Variants in LRFN5 observed in about 807,000 individuals in gnomAD.
LRFN5 encodes the protein leucine rich repeat and fibronectin type III domain containing 5.
Under a neutral mutation model 45.6 loss-of-function variants are expected in LRFN5, and 24 were observed. The ratio of observed to expected loss-of-function variants is 0.53; its 90% CI spans 0.38 to 0.74. The LOEUF is 0.74. Among genes scored for constraint, LRFN5 ranks in the 30% least tolerant of loss-of-function variants. The pLI is 0.00. For synonymous variants in LRFN5, 340 were observed against 313.8 expected (o/e 1.08, Z -0.88); for missense variants, 776 against 861.5 (o/e 0.90, Z 1.24).
At chr14:41,822,626 T>G (rs559429391) in intron 2 of LRFN5, among the ~76,000 whole-genome samples, 154 of 152,186 alleles carry the variant, frequency 1.0e-3, no homozygotes, top group African/African-American at 3.5e-3. Flanking sequence ...ATTCTGTTGT[T>G]GGGAACAATG....
At chr14:41,799,854 C>G (rs1887263491) in intron 2 of LRFN5, among the ~76,000 whole-genome samples, 1 of 151,268 alleles carries the variant, frequency 6.6e-6, no homozygotes, top group Admixed American at 6.6e-5. Flanking sequence ...GTATTTGTGT[C>G]CTAAAAATCC....
Position 41,792,519 on chromosome 14 carries a change from AC to A in LRFN5, c.-21+25496del, listed in dbSNP as rs1886961794. Among the ~76,000 whole-genome samples the A allele has an allele frequency of 3.3e-5, 5 of 151,260 alleles. No homozygotes were observed. In the South Asian group the frequency reaches 8.4e-4, roughly 25 times the overall value. On this transcript the variant is annotated intron_variant, in intron 2 of 5. Coordinates refer to ENST00000298119, the MANE Select transcript of LRFN5 (RefSeq NM_152447.5). ...CTCCCAGAGTGGCCGTTTATAGACC[AC>A]CCCCCAGGAATGCATTCCTTTCCCA...
At position 41,761,514 on chromosome 14, in the gene LRFN5, A is replaced by G. The variant is rs1323659915; in HGVS notation, c.-196-5340A>G. Among the ~76,000 whole-genome samples, 4 of 152,146 alleles carry G rather than the reference A, an allele frequency of 2.6e-5. No individual in the cohort carries two copies. The South Asian group carries it at 6.2e-4, about 24-fold the overall frequency. Reference sequence around the variant, plus strand: ...ACTATCTGTCTGCTGACTTTTGCCAAACCACTAAGAGCGACAATAATGTTG... The same window carrying G: ...ACTATCTGTCTGCTGACTTTTGCCAGACCACTAAGAGCGACAATAATGTTG... On this transcript the variant is annotated intron_variant, in intron 1 of 5. Coordinates refer to ENST00000298119, the MANE Select transcript of LRFN5 (RefSeq NM_152447.5).
chr14:41,762,843 TA>T (rs1433807166), intron 1 of LRFN5, among the ~76,000 whole-genome samples: 1 of 152,144 alleles, frequency 6.6e-6, no homozygotes, highest in Non-Finnish European at 1.5e-5. Context: ...TTGCATCATG[TA>T]GGCCAAAACA....
chr14:41,722,568 T>TG (rs761947765), intron 1 of LRFN5, among the ~76,000 whole-genome samples: 1 of 138,856 alleles, frequency 7.2e-6, no homozygotes, highest in African/African-American at 3.2e-5. Flanking sequence ...ATACGGTGTT[T>TG]TTTTTTTTTC....
In LRFN5 at chr14:41,887,667, A is replaced by C; in HGVS notation, c.1042A>C (p.Thr348Pro). The change falls in exon 3 of 6, where the codon ACT becomes CCT. Residue 348 changes from threonine to proline, a missense_variant. This residue lies in a region of LRFN5 where 465 missense variants were observed against 456.4 expected (regional missense o/e 1.02). Coordinates refer to ENST00000298119, the MANE Select transcript of LRFN5 (RefSeq NM_152447.5). The surrounding 1 kb of genome is among the most constrained non-coding windows in gnomAD (Gnocchi z 4.8). ...CGGAACACTTGACATTCTTATCACA[A>C]CTGTAAAGGATACAGGTGCTTTTAC... The part of the protein sequence containing the change: ...DNGTLDILIT[T>P]VKDTGAFTCI... 1 of 1,614,214 alleles carries C rather than the reference A, an allele frequency of 6.2e-7. No homozygotes were observed. The highest frequency in any genetic ancestry group is 8.5e-7 in the Non-Finnish European group (1 of 1,180,042).
At chr14:41,779,791 A>G (rs1370239081) in intron 2 of LRFN5, among the ~76,000 whole-genome samples, 2 of 151,928 alleles carry the variant, frequency 1.3e-5, no homozygotes, top group Non-Finnish European at 2.9e-5. Flanking sequence ...GGTCATTCAA[A>G]TGTACATTGA....
chr14:41,713,552 T>A (rs1021398693), intron 1 of LRFN5, among the ~76,000 whole-genome samples: 5 of 151,954 alleles, frequency 3.3e-5, no homozygotes, highest in African/African-American at 1.2e-4. Flanking sequence ...AATCTCAGTG[T>A]GAAATAGTCA....
intron 2 of LRFN5, among the ~76,000 whole-genome samples, chr14:41,870,914 A>T (rs1889997766): frequency 6.6e-6 from 1 of 152,124 alleles, no homozygotes; most frequent in African/African-American, 2.4e-5. Flanking sequence ...ACTCTCAAAA[A>T]TTTTTTATGA....
At chr14:41,838,977 A>C (rs1888762156) in intron 2 of LRFN5, among the ~76,000 whole-genome samples, 1 of 152,176 alleles carries the variant, frequency 6.6e-6, no homozygotes, top group South Asian at 2.1e-4. Flanking sequence ...GGGATTGGCT[A>C]TTGGAGAATG....
intron 4 of LRFN5, 117 bp from the exon 5 acceptor site, chr14:41,898,800 G>C (rs926590772): frequency 2.1e-6 from 2 of 953,366 alleles, no homozygotes; most frequent in South Asian, 3.1e-5. Context: ...AAAATCTTTA[G>C]ATAAATCTTT....
chr14:41,838,377 G>A (rs1159694864), intron 2 of LRFN5, among the ~76,000 whole-genome samples: 1 of 152,136 alleles, frequency 6.6e-6, no homozygotes, highest in African/African-American at 2.4e-5. Flanking sequence ...ACTTGGATAA[G>A]AGCTGCAATC....
At chr14:41,653,868 T>TA (rs999432753) in intron 1 of LRFN5, among the ~76,000 whole-genome samples, 1 of 151,946 alleles carries the variant, frequency 6.6e-6, no homozygotes, top group African/African-American at 2.4e-5. Context: ...CTGACAGGAG[T>TA]AACAGGTTAA....
At chr14:41,873,690 T>C (rs1890099033) in intron 2 of LRFN5, among the ~76,000 whole-genome samples, 2 of 152,178 alleles carry the variant, frequency 1.3e-5, no homozygotes, top group African/African-American at 2.4e-5. Context: ...GCTACCTCAA[T>C]GCCCACAATA....
intron 3 of LRFN5, among the ~76,000 whole-genome samples, chr14:41,888,244 C>G (rs545119303): frequency 3.2e-4 from 49 of 152,002 alleles, no homozygotes; most frequent in African/African-American, 6.8e-4. Context: ...CTTTTTTCCC[C>G]CTCATCTAAG....
At chr14:41,869,694 A>G (rs114203182) in intron 2 of LRFN5, among the ~76,000 whole-genome samples, 3,311 of 152,186 alleles carry the variant, frequency 0.022, 48 homozygotes, top group African/African-American at 0.036. Context: ...GGCTAAAGGC[A>G]CATCTTACAT....
chr14:41,750,264 T>C (rs1258067583), intron 1 of LRFN5, among the ~76,000 whole-genome samples: 1 of 78,668 alleles, frequency 1.3e-5, no homozygotes, highest in Non-Finnish European at 2.4e-5. Context: ...TGAGTAACTT[T>C]TCTTATATAT....
intron 5 of LRFN5, among the ~76,000 whole-genome samples, chr14:41,900,877 T>C (rs1891081180): frequency 6.6e-6 from 1 of 152,108 alleles, no homozygotes; most frequent in Admixed American, 6.6e-5. Context: ...ATTGTCAGTG[T>C]GTGAATGAAC....
At chr14:41,880,149 G>C (rs886073883) in intron 2 of LRFN5, among the ~76,000 whole-genome samples, 1 of 151,522 alleles carries the variant, frequency 6.6e-6, no homozygotes, top group Non-Finnish European at 1.5e-5. Context: ...GGATGGTCTC[G>C]ATCTCCTGAC....
Sources: allele counts gnomAD v4.1 joint callset (sites outside exome capture counted in the v4.1 genomes callset), GRCh38; gene constraint gnomAD v4.1.1; regional missense constraint gnomAD v4.1.1; non-coding constraint Gnocchi (gnomAD v3.1); transcripts MANE v1.5; gene names NCBI Gene and HGNC (gene_info 2026-07-23, HGNC 2026-07-21).